KIF2A: variants seen among roughly 807,000 people sequenced by gnomAD.
KIF2A encodes kinesin family member 2A, also known as kinesin-like protein KIF2A.
A neutral mutation model predicts 100.2 loss-of-function variants in KIF2A; 22 were observed. The ratio of observed to expected loss-of-function variants is 0.22; its 90% CI spans 0.16 to 0.31. KIF2A has a LOEUF of 0.31. Ranked by LOEUF, KIF2A falls within the 10% of genes least tolerant of loss-of-function variation. The pLI, the probability that KIF2A is intolerant of heterozygous loss-of-function variation, is 1.00. For synonymous variants in KIF2A, 268 were observed against 285.9 expected, an observed-to-expected ratio of 0.94 and a Z score of 0.63; for missense variants, 495 against 898.7, an observed-to-expected ratio of 0.55 and a Z score of 5.74.
intron 9 of KIF2A, among the ~76,000 whole-genome samples, chr5:62,360,667 C>A (rs935841411): frequency 1.3e-5 from 2 of 150,992 alleles, no homozygotes; most frequent in Admixed American, 6.6e-5. Context: ...GCCTGGGGGA[C>A]GAGAACGAGA....
intron 16 of KIF2A, among the ~76,000 whole-genome samples, chr5:62,369,708 C>T (rs931982719): frequency 2.0e-5 from 3 of 151,434 alleles, no homozygotes; most frequent in Non-Finnish European, 2.9e-5. Context: ...ATAATTCATT[C>T]CTCCTTTATA....
chr5:62,369,169 A>G (rs1741210257), intron 16 of KIF2A, among the ~76,000 whole-genome samples: 1 of 152,240 alleles, frequency 6.6e-6, no homozygotes, highest in Non-Finnish European at 1.5e-5. Flanking sequence ...CTGTTATATC[A>G]TGTAACTCAC....
chr5:62,368,378 A>G (rs1241561856), intron 16 of KIF2A, among the ~76,000 whole-genome samples: 1 of 151,086 alleles, frequency 6.6e-6, no homozygotes, highest in African/African-American at 2.4e-5. Context: ...TTTTTTTTGC[A>G]TCTTGTTTCT....
intron 1 of KIF2A, among the ~76,000 whole-genome samples, chr5:62,334,754 G>GGAAGACA: frequency 6.6e-6 from 1 of 152,116 alleles, no homozygotes; most frequent in Admixed American, 6.5e-5. Context: ...CGTTCAGGGT[G>GGAAGACA]TCCCCCTGGA....
At position 62,385,645 on chromosome 5, in the gene KIF2A, T is replaced by G; in HGVS notation, c.*76T>G. 1 of 1,018,910 alleles carries G rather than the reference T, an allele frequency of 9.8e-7. No homozygotes were observed. Among genetic ancestry groups the G allele is most frequent in the Non-Finnish European group, 1.5e-6 (1 of 678,724 alleles). The allele number at this position is 1,018,910 out of a possible 1,614,324, so 63.1% of individuals were successfully genotyped here. The stretch of plus-strand genomic sequence containing the variant: ...CAACGGTTCAGCTGTAAGGGCCATT[T>G]GAAAGTTTGGAATTTTAAGTGTCTG... On this transcript the variant is annotated 3_prime_UTR_variant, in exon 21 of 21. Coordinates refer to ENST00000407818, the MANE Select transcript of KIF2A (RefSeq NM_001098511.3).
chr5:62,385,392 A>G (rs191156167), intron 20 of KIF2A, 92 bp from the exon 21 acceptor site: 267 of 819,996 alleles, frequency 3.3e-4, no homozygotes, highest in Admixed American at 1.1e-3. Context: ...CTGTTAGGAA[A>G]TAACACAGCT....
rs549358306 is a variant in KIF2A at position 62,387,519 on chromosome 5, G to C, written c.*1950G>C. On this transcript the variant is annotated 3_prime_UTR_variant, in exon 21 of 21. Coordinates refer to ENST00000407818, the MANE Select transcript of KIF2A (RefSeq NM_001098511.3). ...CACTATGATGGCTTCATTCTGATCA[G>C]GTATTTTAAAAATTAGTACCAGAAA... 7 of 152,082 alleles carry C rather than the reference G, an allele frequency of 4.6e-5. No individual in the cohort carries two copies. The highest frequency in any genetic ancestry group is 8.8e-5 in the Non-Finnish European group (6 of 67,976). 9.4% of individuals were successfully genotyped at this position (152,082 alleles called of 1,614,324 possible). A position where few individuals can be genotyped will look rare whatever the true frequency, so the allele number is the denominator to read the frequency against.
intron 19 of KIF2A, among the ~76,000 whole-genome samples, chr5:62,379,293 T>G (rs1343228777): frequency 1.3e-5 from 2 of 152,186 alleles, no homozygotes; most frequent in Non-Finnish European, 2.9e-5. Context: ...TCCTCTGTAT[T>G]ATGATCTGCC....
At chr5:62,365,488 T>A (rs2111965362) in intron 15 of KIF2A, 135 bp downstream of exon 15, 1 of 536,488 alleles carries the variant, frequency 1.9e-6, no homozygotes, top group South Asian at 2.8e-5. Context: ...ATATTTAAGA[T>A]GTGGTCCCTG....
intron 1 of KIF2A, among the ~76,000 whole-genome samples, chr5:62,310,439 T>C (rs959171539): frequency 3.3e-5 from 5 of 152,220 alleles, no homozygotes; most frequent in Non-Finnish European, 5.9e-5. Flanking sequence ...CAAAATTCCT[T>C]GCACATCGTT....
At chr5:62,307,758 C>T (rs1186254002) in intron 1 of KIF2A, among the ~76,000 whole-genome samples, 3 of 151,912 alleles carry the variant, frequency 2.0e-5, no homozygotes, top group African/African-American at 7.3e-5. Flanking sequence ...GCTGGGATTA[C>T]AGGCGTTGTC....
chr5:62,376,027 G>A (rs746037388), intron 18 of KIF2A, among the ~76,000 whole-genome samples: 3 of 152,210 alleles, frequency 2.0e-5, no homozygotes, highest in Non-Finnish European at 2.9e-5. Context: ...ACTCTTTAAA[G>A]TAAACCCTGC....
chr5:62,347,152 A>G lies in KIF2A; in HGVS notation c.87A>G (p.Val29=). 1 of 1,602,842 alleles carries G rather than the reference A, an allele frequency of 6.2e-7. No homozygotes were observed. Among genetic ancestry groups the G allele is most frequent in the Non-Finnish European group, 8.5e-7 (1 of 1,172,732 alleles). Residue 29 remains valine, a synonymous_variant, in exon 2 of 21, where the codon GTA becomes GTG. Transcript: ENST00000407818. ...TAGGCCGAATACATCAAGCAATGGTAACATCTTTAAATGAAGATAATGAAA... is the reference window on the plus strand; with the variant it reads ...TAGGCCGAATACATCAAGCAATGGTGACATCTTTAAATGAAGATAATGAAA... The part of the protein sequence containing the change: ...RSDGRIHQAM[V]TSLNEDNESV...
chr5:62,320,575 T>TC (rs1377478162), intron 1 of KIF2A, among the ~76,000 whole-genome samples: 1 of 151,992 alleles, frequency 6.6e-6, no homozygotes, highest in Non-Finnish European at 1.5e-5. Flanking sequence ...ATTTTTTTTT[T>TC]TTAAGTGGCC....
intron 7 of KIF2A, among the ~76,000 whole-genome samples, chr5:62,356,139 C>A (rs247272): frequency 0.25 from 37,495 of 152,042 alleles, 4,711 homozygotes; most frequent in Middle Eastern, 0.3. Flanking sequence ...TAAAAATAAT[C>A]CATCTGACAT....
rs748463159 is a variant in KIF2A, at chr5:62,348,114, C to T, written c.226C>T (p.Pro76Ser). 6.2e-7 allele frequency: 1 copy of T among 1,613,778 alleles called. No individual in the cohort carries two copies. Residue 76 changes from proline to serine, a missense_variant, in exon 3 of 21, where the codon CCA becomes TCA. Around this residue, in one of 10 missense-constraint regions of KIF2A, gnomAD observed 115 missense variants for 143.6 expected, o/e 0.80. Transcript: ENST00000407818. ...LVPDEEIEPS[P>S]ETPPPPASSA... ...TCCTGATGAAGAAATTGAACCCAGT[C>T]CAGAAACACCTCCACCTCCAGCATC...
rs543339189 is a variant in KIF2A, at chr5:62,331,241, A to T, written c.65-15889A>T. 8.7e-4 allele frequency among the ~76,000 whole-genome samples: 133 copies of T among 152,068 alleles called. No individual in the cohort carries two copies. The South Asian group carries it at 9.1e-3, about 10-fold the overall frequency. Reference sequence around the variant, plus strand: ...AGCCTGACCAACATGGAGAAACCACATCTCTACTAAAAATACAGAATTAGC... The same window carrying T: ...AGCCTGACCAACATGGAGAAACCACTTCTCTACTAAAAATACAGAATTAGC... On this transcript the variant is annotated intron_variant, in intron 1 of 20. Transcript: ENST00000407818.
intron 1 of KIF2A, among the ~76,000 whole-genome samples, chr5:62,344,185 A>G (rs1747435949): frequency 6.6e-6 from 1 of 152,116 alleles, no homozygotes; most frequent in South Asian, 2.1e-4. Flanking sequence ...CTCTACTAAA[A>G]ATACAAAAAA....
chr5:62,352,726 A>C lies in KIF2A; in HGVS notation c.457+16A>C, dbSNP rs1035035435. 3 of 1,606,282 alleles carry C rather than the reference A, an allele frequency of 1.9e-6. No individual in the cohort carries two copies. Among genetic ancestry groups the C allele is most frequent in the Non-Finnish European group, 2.6e-6 (3 of 1,175,726 alleles). ...GGACCCCCTTGTATGTAAATTATGT[A>C]TCAAGGATTTAGTCATTTTAGGCAT... is the stretch of plus-strand genomic sequence containing the variant. On this transcript the variant is annotated intron_variant, in intron 5 of 20. Coordinates refer to ENST00000407818, the MANE Select transcript of KIF2A (RefSeq NM_001098511.3).
Sources: allele counts gnomAD v4.1 joint callset (sites outside exome capture counted in the v4.1 genomes callset), GRCh38; gene constraint gnomAD v4.1.1; regional missense constraint gnomAD v4.1.1; transcripts MANE v1.5; gene names NCBI Gene and HGNC (gene_info 2026-07-23, HGNC 2026-07-21).